OR2A12: variants seen among roughly 807,000 people sequenced by gnomAD.
OR2A12 encodes olfactory receptor 2A12.
For synonymous variants in OR2A12, 153 were observed against 149.3 expected (o/e 1.02, Z -0.18); for missense variants, 380 against 372.5 (o/e 1.02, Z -0.17).
intron 1 of OR2A12, among the ~76,000 whole-genome samples, chr7:144,093,151 C>G (rs953967709): frequency 2.0e-5 from 3 of 151,960 alleles, no homozygotes; most frequent in African/African-American, 7.3e-5. Context: ...TATAAATTTA[C>G]CTTTATTGTA....
rs962883110 is a variant in OR2A12 at position 144,097,646 on chromosome 7, C to T, written c.*1606C>T. On this transcript the variant is annotated 3_prime_UTR_variant, in exon 2 of 2. Transcript: ENST00000641592. ...TAAACAGAACAGTGTGGTATTTATA[C>T]ACAGATAGACCAAAAAACAAACAGA... 2.6e-5 allele frequency: 4 copies of T among 152,042 alleles called. No homozygotes were observed. The highest frequency in any genetic ancestry group is 5.9e-5 in the Non-Finnish European group (4 of 68,010). The allele number at this position is 152,042 out of a possible 1,614,324, so 9.4% of individuals were successfully genotyped here.
intron 1 of OR2A12, among the ~76,000 whole-genome samples, chr7:144,094,129 GT>G (rs1403235767): frequency 6.6e-6 from 1 of 152,028 alleles, no homozygotes; most frequent in East Asian, 1.9e-4. Flanking sequence ...GAGTGGAGAA[GT>G]TTTTGTTTTT....
chr7:144,093,732 G>T (rs979066352), intron 1 of OR2A12, among the ~76,000 whole-genome samples: 1 of 150,384 alleles, frequency 6.6e-6, no homozygotes, highest in Admixed American at 6.7e-5. Flanking sequence ...GCGGTGTTTG[G>T]TTTTTTGTCC....
At position 144,089,401 on chromosome 7, in the gene OR2A12, G is replaced by T. The variant is rs1047958140; in HGVS notation, c.-52+2858G>T. Among the ~76,000 whole-genome samples the T allele has an allele frequency of 2.0e-5, 3 of 151,538 alleles. No homozygotes were observed. The East Asian group carries it at 5.8e-4, about 29-fold the overall frequency. ...GAAAAAAGAGAATTTATGTTTAAGG[G>T]GTTTAGGTGTGGCACATAAGGATTT... On this transcript the variant is annotated intron_variant, in intron 1 of 1. Transcript: ENST00000641592.
intron 1 of OR2A12, among the ~76,000 whole-genome samples, chr7:144,092,574 A>G (rs1377653508): frequency 6.6e-6 from 1 of 151,928 alleles, no homozygotes; most frequent in Non-Finnish European, 1.5e-5. Flanking sequence ...CTGTATTCCT[A>G]TGTATTTTAT....
chr7:144,087,995 T>C (rs556356606), intron 1 of OR2A12, among the ~76,000 whole-genome samples: 1 of 152,050 alleles, frequency 6.6e-6, no homozygotes, highest in Non-Finnish European at 1.5e-5. Flanking sequence ...AGATCAAGAG[T>C]GTGCATATTC....
intron 1 of OR2A12, among the ~76,000 whole-genome samples, chr7:144,093,690 A>G (rs1253431845): frequency 7.4e-6 from 1 of 135,316 alleles, no homozygotes; most frequent in East Asian, 2.2e-4. Context: ...ATGTGTTCTC[A>G]TTGCTCATTT....
In OR2A12 at chr7:144,095,885, GC is replaced by G. The variant is rs1244484998; in HGVS notation, c.783del (p.Lys262SerfsTer23). The stretch of plus-strand genomic sequence containing the variant: ...TGGCAGCGCCATTGTCATGTACATG[GC>G]CCCCAAGTCAAGCCATTCTCAAGAA... Reference protein sequence around the residue: ...FFGSAIVMYMAPKSSHSQERR... With the variant: ...FFGSAIVMYMXPKSSHSQERR... On this transcript the variant is annotated frameshift_variant, in exon 2 of 2. Coordinates refer to ENST00000641592, the MANE Select transcript of OR2A12 (RefSeq NM_001004135.2). LOFTEE classifies it low-confidence loss of function (END_TRUNC). 6.2e-7 allele frequency: 1 copy of G among 1,613,886 alleles called. No homozygotes were observed. The highest frequency in any genetic ancestry group is 1.3e-5 in the African/African-American group (1 of 74,846).
intron 1 of OR2A12, among the ~76,000 whole-genome samples, chr7:144,092,327 CTAT>C (rs2051232776): frequency 2.0e-5 from 3 of 151,972 alleles, no homozygotes; most frequent in African/African-American, 7.3e-5. Flanking sequence ...TTTGCCTTGG[CTAT>C]TTGGGCTCTT....
intron 1 of OR2A12, among the ~76,000 whole-genome samples, chr7:144,087,257 TGGAG>T (rs999930029): frequency 1.3e-5 from 2 of 152,154 alleles, no homozygotes; most frequent in Non-Finnish European, 1.5e-5. Context: ...TTTGTTGCCC[TGGAG>T]GGAGATGTCA....
intron 1 of OR2A12, among the ~76,000 whole-genome samples, chr7:144,091,625 T>C (rs1405029763): frequency 2.6e-5 from 4 of 152,142 alleles, no homozygotes; most frequent in Admixed American, 2.0e-4. Context: ...GGATGAGGAT[T>C]TTTTCATATG....
chr7:144,096,168 A>G lies in OR2A12; in HGVS notation c.*128A>G. Reference sequence around the variant, plus strand: ...ATCTTTAGACTTCTTATAAAAAGAGAAACTGGCCTGGCGTGGTGGCTGAAG... The same window carrying G: ...ATCTTTAGACTTCTTATAAAAAGAGGAACTGGCCTGGCGTGGTGGCTGAAG... On this transcript the variant is annotated 3_prime_UTR_variant, in exon 2 of 2. Coordinates refer to ENST00000641592, the MANE Select transcript of OR2A12 (RefSeq NM_001004135.2). 1.3e-6 allele frequency: 1 copy of G among 759,670 alleles called. No individual in the cohort carries two copies. The highest frequency in any genetic ancestry group is 2.1e-6 in the Non-Finnish European group (1 of 475,726). 47.1% of individuals were successfully genotyped at this position (759,670 alleles called of 1,614,324 possible).
At chr7:144,092,523 T>C (rs1172161526) in intron 1 of OR2A12, among the ~76,000 whole-genome samples, 2 of 152,192 alleles carry the variant, frequency 1.3e-5, no homozygotes, top group Non-Finnish European at 2.9e-5. Flanking sequence ...GAACAGTGTT[T>C]TGTAGTTCTC....
chr7:144,087,642 T>C (rs1244929401), intron 1 of OR2A12, among the ~76,000 whole-genome samples: 2 of 152,222 alleles, frequency 1.3e-5, no homozygotes, highest in African/African-American at 4.8e-5. Flanking sequence ...AAGGGAGAGA[T>C]GTTTCTCACT....
At position 144,095,543 on chromosome 7, in the gene OR2A12, A is replaced by G; in HGVS notation, c.436A>G (p.Thr146Ala). The G allele has an allele frequency of 1.2e-6, 2 of 1,614,110 alleles. No individual in the cohort carries two copies. The highest frequency in any genetic ancestry group is 1.7e-6 in the Non-Finnish European group (2 of 1,180,016). ...NWRVCTVLAS[T>A]CWIFSFLLAL... ...GAGAGTGTGCACTGTCCTGGCCTCAACTTGCTGGATATTTAGCTTTCTCTT... is the reference window on the plus strand; with the variant it reads ...GAGAGTGTGCACTGTCCTGGCCTCAGCTTGCTGGATATTTAGCTTTCTCTT... The change falls in exon 2 of 2, where the codon ACT becomes GCT. Residue 146 changes from threonine to alanine, a missense_variant. By Grantham distance (58) the Thr-to-Ala change is moderately conservative (BLOSUM62 0). Transcript: ENST00000641592.
chr7:144,095,841 G>A lies in OR2A12; in HGVS notation c.734G>A (p.Cys245Tyr), dbSNP rs759377081. 1 of 1,614,078 alleles carries A rather than the reference G, an allele frequency of 6.2e-7. No homozygotes were observed. Among genetic ancestry groups the A allele is most frequent in the South Asian group, 1.1e-5 (1 of 91,084 alleles). Residue 245 changes from cysteine (C) to tyrosine (Y), a missense_variant, in exon 2 of 2, where the codon TGC becomes TAC. Coordinates refer to ENST00000641592, the MANE Select transcript of OR2A12 (RefSeq NM_001004135.2). ...TTCTCTACCTGCTCCTCCCACCTCT[G>A]CGTGGTGGGGCTTTTCTTTGGCAGC... ...KAFSTCSSHL[C>Y]VVGLFFGSAI...
intron 1 of OR2A12, among the ~76,000 whole-genome samples, chr7:144,091,199 T>C (rs753755970): frequency 2.6e-5 from 4 of 152,228 alleles, no homozygotes; most frequent in Non-Finnish European, 5.9e-5. Flanking sequence ...AAGACCATCC[T>C]GGTCAACATG....
Position 144,098,402 on chromosome 7 carries a change from A to C in OR2A12, c.*2362A>C, listed in dbSNP as rs2051281814. On this transcript the variant is annotated 3_prime_UTR_variant, in exon 2 of 2. Coordinates refer to ENST00000641592, the MANE Select transcript of OR2A12 (RefSeq NM_001004135.2). ...CAATAGGTATCCCCAGGAAAGTGTA[A>C]GCCTATCCACATTCTTCCTGAAACC... The C allele has an allele frequency of 6.6e-6, 1 of 152,140 alleles. No homozygotes were observed. The highest frequency in any genetic ancestry group is 1.5e-5 in the Non-Finnish European group (1 of 68,028). The allele number at this position is 152,140 out of a possible 1,614,324, so 9.4% of individuals were successfully genotyped here.
chr7:144,088,377 G>C (rs1250177235), intron 1 of OR2A12, among the ~76,000 whole-genome samples: 5 of 152,164 alleles, frequency 3.3e-5, no homozygotes, highest in African/African-American at 1.2e-4. Flanking sequence ...TTCTTCCACT[G>C]CCACATTCAC....
Sources: allele counts gnomAD v4.1 joint callset (sites outside exome capture counted in the v4.1 genomes callset), GRCh38; gene constraint gnomAD v4.1.1; transcripts MANE v1.5; gene names NCBI Gene and HGNC (gene_info 2026-07-23, HGNC 2026-07-21).